PRR16: variants seen among roughly 807,000 people sequenced by gnomAD.
PRR16 encodes the protein protein Largen.
In PRR16, 6 loss-of-function variants were observed where a neutral mutation model predicts 18.2. The observed-to-expected ratio is 0.33, with a 90% CI of 0.18 to 0.65. The LOEUF (loss-of-function observed/expected upper bound fraction) is 0.65, where lower values mean the gene tolerates loss of function less well. PRR16 is among the 30% of genes least tolerant of loss of function. PRR16 has a pLI of 0.74. For missense variants in PRR16, 412 were observed against 376.6 expected (o/e 1.09, Z -0.78); for synonymous variants, 151 against 147.8 (o/e 1.02, Z -0.16).
chr5:120,529,314 C>T (rs1751469352), intron 1 of PRR16, among the ~76,000 whole-genome samples: 3 of 152,016 alleles, frequency 2.0e-5, no homozygotes, highest in South Asian at 4.2e-4. Context: ...AAAATTGATG[C>T]GGAGGCACAG....
In PRR16 at chr5:120,478,610, A is replaced by G. The variant is rs10079265; in HGVS notation, c.159+13965A>G. Among the ~76,000 whole-genome samples, 1,081 of 152,274 alleles carry G rather than the reference A, an allele frequency of 7.1e-3. 8 individuals carry two copies. The highest frequency in any genetic ancestry group is 0.011 in the Non-Finnish European group (772 of 68,008). On this transcript the variant is annotated intron_variant, in intron 1 of 1. Coordinates refer to ENST00000407149, the MANE Select transcript of PRR16 (RefSeq NM_001300783.2). Reference sequence around the variant, plus strand: ...TAGAAATTTTGGAGACATTTTGTCTATGTAAACCCTAAACGTGGCCTGTAA... The same window carrying G: ...TAGAAATTTTGGAGACATTTTGTCTGTGTAAACCCTAAACGTGGCCTGTAA...
chr5:120,705,031 A>G, the PRR16 span, among the ~76,000 whole-genome samples: 1 of 152,104 alleles, frequency 6.6e-6, no homozygotes, highest in Non-Finnish European at 1.5e-5. Flanking sequence ...TCCATGCATT[A>G]CTTTAACACT....
In PRR16 at chr5:120,544,666, T is replaced by C. The variant is rs1203789826; in HGVS notation, c.159+80021T>C. On this transcript the variant is annotated intron_variant, in intron 1 of 1. Transcript: ENST00000407149. ...TTATTTTATTTCTTGAAAAAAGTAA[T>C]CACACTCACATTCATAAAGTCATTC... 2.0e-5 allele frequency among the ~76,000 whole-genome samples: 3 copies of C among 152,252 alleles called. No individual in the cohort carries two copies. The East Asian group carries it at 5.8e-4, about 29-fold the overall frequency.
chr5:120,667,945 A>T (rs944056814), intron 1 of PRR16, among the ~76,000 whole-genome samples: 4 of 151,926 alleles, frequency 2.6e-5, no homozygotes, highest in African/African-American at 9.7e-5. Flanking sequence ...TTTGGGGTGG[A>T]GAGTTCTGTA....
intron 1 of PRR16, among the ~76,000 whole-genome samples, chr5:120,545,173 A>G (rs1561539755): frequency 6.6e-6 from 1 of 151,988 alleles, no homozygotes. Context: ...TACAGATGGC[A>G]TTTTTTTCGT....
chr5:120,741,598 G>GTGTTTTGTTT, the PRR16 span, among the ~76,000 whole-genome samples: 1 of 152,018 alleles, frequency 6.6e-6, no homozygotes, highest in African/African-American at 2.4e-5. Context: ...TTTCTGTGGA[G>GTGTTTTGTTT]TGTTTTGTTT....
Position 120,515,124 on chromosome 5 carries a change from C to A in PRR16, c.159+50479C>A, listed in dbSNP as rs116643165. On this transcript the variant is annotated intron_variant, in intron 1 of 1. Transcript: ENST00000407149. The stretch of plus-strand genomic sequence containing the variant: ...GATCAAGTGCTGCATCTGGTGACAA[C>A]TTTCTTGCTGTGTCATAATATCCCA... Among the ~76,000 whole-genome samples the A allele has an allele frequency of 3.2e-3, 492 of 152,282 alleles. 3 individuals carry two copies. The highest frequency in any genetic ancestry group is 0.011 in the African/African-American group (469 of 41,558).
At chr5:120,492,094 T>TC in intron 1 of PRR16, among the ~76,000 whole-genome samples, 1 of 147,862 alleles carries the variant, frequency 6.8e-6, no homozygotes, top group African/African-American at 2.5e-5. Context: ...TTGTTTTCTT[T>TC]TTTTTTTTTT....
intron 1 of PRR16, among the ~76,000 whole-genome samples, chr5:120,607,007 C>A (rs1754176373): frequency 6.6e-6 from 1 of 152,112 alleles, no homozygotes; most frequent in African/African-American, 2.4e-5. Flanking sequence ...ATTTCCAAAA[C>A]ATGGGCAGTG....
chr5:120,536,597 G>A (rs1204500922), intron 1 of PRR16, among the ~76,000 whole-genome samples: 5 of 152,094 alleles, frequency 3.3e-5, no homozygotes, highest in African/African-American at 1.2e-4. Context: ...CATGAGAAAG[G>A]ATGGCAGTTT....
intron 1 of PRR16, among the ~76,000 whole-genome samples, chr5:120,552,500 TAAGATAAACTTGCAA>T (rs1290542106): frequency 6.6e-6 from 1 of 151,980 alleles, no homozygotes; most frequent in Non-Finnish European, 1.5e-5. Flanking sequence ...TATATCATTT[TAAGATAAACTTGCAA>T]ATAAGAATAT....
At chr5:120,554,505 G>C (rs996090226) in intron 1 of PRR16, among the ~76,000 whole-genome samples, 2 of 151,966 alleles carry the variant, frequency 1.3e-5, no homozygotes, top group East Asian at 3.9e-4. Flanking sequence ...GGAATTCAGG[G>C]ATAGGAAGAA....
the PRR16 span, among the ~76,000 whole-genome samples, chr5:120,758,732 C>G: frequency 2.0e-5 from 3 of 152,048 alleles, no homozygotes; most frequent in Non-Finnish European, 2.9e-5. Flanking sequence ...GAGACCTCCC[C>G]AGCCATGCAG....
downstream of PRR16, among the ~76,000 whole-genome samples, chr5:120,688,875 G>T (rs114566460): frequency 2.0e-3 from 307 of 152,262 alleles, 1 homozygote; most frequent in African/African-American, 7.2e-3. Flanking sequence ...AGGATATTGA[G>T]CCAGACACCT....
intron 1 of PRR16, among the ~76,000 whole-genome samples, chr5:120,558,595 T>A (rs1342557885): frequency 6.6e-6 from 1 of 151,996 alleles, no homozygotes; most frequent in Non-Finnish European, 1.5e-5. Flanking sequence ...TTGTGAACAG[T>A]GATGCAACAA....
the PRR16 span, chr5:120,781,351 G>A: frequency 1.3e-5 from 2 of 152,096 alleles, no homozygotes; most frequent in African/African-American, 2.4e-5. Flanking sequence ...CAGAAGAAAC[G>A]GGTAGACCTG....
At chr5:120,541,910 C>A (rs1433346697) in intron 1 of PRR16, among the ~76,000 whole-genome samples, 2 of 151,860 alleles carry the variant, frequency 1.3e-5, no homozygotes, top group Non-Finnish European at 2.9e-5. Flanking sequence ...CAGAATTTAC[C>A]CCCTTCCTTT....
At chr5:120,511,777 A>G (rs1750834249) in intron 1 of PRR16, among the ~76,000 whole-genome samples, 2 of 152,196 alleles carry the variant, frequency 1.3e-5, no homozygotes, top group South Asian at 4.1e-4. Context: ...GAGGAGAAAT[A>G]GCATTATCTT....
chr5:120,589,054 T>G (rs1753546498), intron 1 of PRR16, among the ~76,000 whole-genome samples: 1 of 152,078 alleles, frequency 6.6e-6, no homozygotes, highest in Non-Finnish European at 1.5e-5. Flanking sequence ...GTGCTTCAAT[T>G]TTATGATCTA....
Sources: allele counts gnomAD v4.1 joint callset (sites outside exome capture counted in the v4.1 genomes callset), GRCh38; gene constraint gnomAD v4.1.1; transcripts MANE v1.5; gene names NCBI Gene and HGNC (gene_info 2026-07-23, HGNC 2026-07-21).